Variants in SPTBN2 observed in about 807,000 individuals in gnomAD.
The protein encoded by SPTBN2 is spectrin beta chain, non-erythrocytic 2.
SPTBN2 carries 107 observed loss-of-function variants against 284.2 expected under a neutral mutation model. The ratio of observed to expected loss-of-function variants is 0.38; its 90% confidence interval spans 0.32 to 0.44. SPTBN2 has a LOEUF of 0.44. Among genes scored for constraint, SPTBN2 ranks in the 20% least tolerant of loss-of-function variants. The probability of loss-of-function intolerance (pLI) is 1.00; values close to 1 mark genes in which losing one functional copy is unlikely to be tolerated. For missense variants in SPTBN2, 2,569 were observed against 3,287.1 expected (o/e 0.78, Z 5.34); for synonymous variants, 1,289 against 1,354.8 (o/e 0.95, Z 1.07).
chr11:66,686,177 T>C (rs973853181), intron 37 of SPTBN2, 73 bp from the exon 38 acceptor site: 2 of 1,496,026 alleles, frequency 1.3e-6, no homozygotes, highest in East Asian at 2.3e-5. Flanking sequence ...AGCAGGGAAG[T>C]GTAAGAGGAG....
upstream of SPTBN2, among the ~76,000 whole-genome samples, chr11:66,730,356 G>C (rs1942787577): frequency 2.0e-5 from 3 of 152,096 alleles, no homozygotes; most frequent in Middle Eastern, 6.8e-3. Flanking sequence ...GGCCGAGGCA[G>C]GTGGATCGCG....
In SPTBN2 at chr11:66,683,063, ATTTTTTT is replaced by A; in HGVS notation, c.*2801_*2807del. Among the ~76,000 whole-genome samples the A allele has an allele frequency of 1.0e-5, 1 of 95,742 alleles. No homozygotes were observed. Among genetic ancestry groups the A allele is most frequent in the South Asian group, 3.6e-4 (1 of 2,776 alleles). 62.8% of individuals were successfully genotyped at this position (95,742 alleles called of 152,430 possible). On this transcript the variant is annotated 3_prime_UTR_variant, in exon 38 of 38. Transcript: ENST00000533211. Reference sequence around the variant, plus strand: ...ACCACCATGCCTGGCCAAGTAATCCATTTTTTTTTTTTTTTTTTTTTTGAGATGGAGT... The same window carrying A: ...ACCACCATGCCTGGCCAAGTAATCCATTTTTTTTTTTTTTTGAGATGGAGT...
rs1366560754 is a variant in SPTBN2 at position 66,684,941 on chromosome 11, G to C, written c.*930C>G. On this transcript the variant is annotated 3_prime_UTR_variant, in exon 38 of 38. Transcript: ENST00000533211. ...TGAAAACAGTTTAGAGATCACAAGT[G>C]AAGAAAATTGTGCACCAGGGAAGGA... is the stretch of plus-strand genomic sequence containing the variant. Among the ~76,000 whole-genome samples the C allele has an allele frequency of 6.6e-6, 1 of 152,202 alleles. No individual in the cohort carries two copies. The highest frequency in any genetic ancestry group is 2.4e-5 in the African/African-American group (1 of 41,452).
At position 66,705,098 on chromosome 11, in the gene SPTBN2, T is replaced by G. The variant is rs1431165807; in HGVS notation, c.2178A>C (p.Gln726His). 10 of 1,565,636 alleles carry G rather than the reference T, an allele frequency of 6.4e-6. No homozygotes were observed. Among genetic ancestry groups the G allele is most frequent in the African/African-American group, 1.4e-5 (1 of 73,818 alleles). The part of the protein sequence containing the change: ...SQASARAAEL[Q>H]AQWERLEALA... ...GGGCCTCTAGCCGCTCCCACTGGGC[T>G]TGGAGTTCAGCTGCACGGGCAGAGG... Residue 726 changes from glutamine to histidine, a missense_variant, in exon 15 of 38, where the codon CAA becomes CAC. Gln to His is a conservative substitution (Grantham distance 24, BLOSUM62 0). Around this residue, in one of 6 missense-constraint regions of SPTBN2, gnomAD observed 1,012 missense variants for 1,248.9 expected, o/e 0.81. Transcript: ENST00000533211.
rs1259666231 is a variant in SPTBN2 at position 66,691,177 on chromosome 11, G to A, written c.5565+107C>T. The A allele has an allele frequency of 3.2e-5, 45 of 1,408,980 alleles. No homozygotes were observed. The highest frequency in any genetic ancestry group is 2.5e-4 in the South Asian group (14 of 55,406). 87.3% of individuals were successfully genotyped at this position (1,408,980 alleles called of 1,614,324 possible). A position where few individuals can be genotyped will look rare whatever the true frequency, so the allele number is the denominator to read the frequency against. ...TCGAAATGGCCCTCGAAAGAGTGCC[G>A]TCCTCCCAGCATTTCTGAGCTCTAC... is the stretch of plus-strand genomic sequence containing the variant. On this transcript the variant is annotated intron_variant, in intron 27 of 37. Coordinates refer to ENST00000533211, the MANE Select transcript of SPTBN2 (RefSeq NM_006946.4). This position sits in a 1 kb window ranked among gnomAD's most constrained non-coding sequence, Gnocchi z 8.0.
Position 66,696,304 on chromosome 11 carries a change from G to A in SPTBN2, c.4251C>T (p.Ser1417=), listed in dbSNP as rs747876209. 1.4e-5 allele frequency: 23 copies of A among 1,612,726 alleles called. No individual in the cohort carries two copies. Among genetic ancestry groups the A allele is most frequent in the South Asian group, 5.5e-5 (5 of 91,090 alleles). The part of the protein sequence containing the change: ...HSDDYGKDLT[S]VNILLKKQQM... ...GCTGCTTCTTGAGCAGGATGTTGAC[G>A]CTGGTGAGGTCCTTGCCGTAGTCAT... The change falls in exon 21 of 38, where the codon AGC becomes AGT. Residue 1417 remains serine, a synonymous_variant. Coordinates refer to ENST00000533211, the MANE Select transcript of SPTBN2 (RefSeq NM_006946.4).
chr11:66,698,701 T>C lies in SPTBN2; in HGVS notation c.3952A>G (p.Lys1318Glu). ...EARNLHTKWQ[K>E]HQAFMAELAA... ...AGCTCGGCCATGAATGCCTGGTGCTTCTGCCACTTAGTATGCAGGTTGCGG... is the reference window on the plus strand; with the variant it reads ...AGCTCGGCCATGAATGCCTGGTGCTCCTGCCACTTAGTATGCAGGTTGCGG... The change falls in exon 20 of 38, where the codon AAG becomes GAG. Residue 1318 changes from lysine (K) to glutamate (E), a missense_variant. By Grantham distance (56) the Lys-to-Glu change is moderately conservative (BLOSUM62 1). This residue lies in a region of SPTBN2 where 24 missense variants were observed against 58.1 expected (regional missense o/e 0.41). Coordinates refer to ENST00000533211, the MANE Select transcript of SPTBN2 (RefSeq NM_006946.4). 4 of 1,614,254 alleles carry C rather than the reference T, an allele frequency of 2.5e-6. No individual in the cohort carries two copies. The highest frequency in any genetic ancestry group is 3.4e-6 in the Non-Finnish European group (4 of 1,180,046).
Position 66,701,171 on chromosome 11 carries a change from C to T in SPTBN2, c.2928G>A (p.Glu976=). The change falls in exon 17 of 38, where the codon GAG becomes GAA. Residue 976 remains glutamate (E), a synonymous_variant. Coordinates refer to ENST00000533211, the MANE Select transcript of SPTBN2 (RefSeq NM_006946.4). ...GGGTGGACTCGATGACTTTGGTCTTCTCTCTCATCCAGGCCTGGGTCTCCG... is the reference window on the plus strand; with the variant it reads ...GGGTGGACTCGATGACTTTGGTCTTTTCTCTCATCCAGGCCTGGGTCTCCG... The part of the protein sequence containing the change: ...ECTETQAWMR[E]KTKVIESTQG... 4.3e-6 allele frequency: 7 copies of T among 1,613,168 alleles called. No individual in the cohort carries two copies. Among genetic ancestry groups the T allele is most frequent in the Non-Finnish European group, 5.1e-6 (6 of 1,180,034 alleles).
chr11:66,704,716 G>A lies in SPTBN2; in HGVS notation c.2560C>T (p.Leu854Phe), dbSNP rs775507751. Residue 854 changes from leucine to phenylalanine, a missense_variant, in exon 15 of 38, where the codon CTC (leucine) becomes TTC (phenylalanine). By Grantham distance (22) the Leu-to-Phe change is conservative. Coordinates refer to ENST00000533211, the MANE Select transcript of SPTBN2 (RefSeq NM_006946.4). ...RARALEAALA[L>F]YTMLSEAGAC... Reference sequence around the variant, plus strand: ...CCGGCCTCGCTGAGCATGGTGTAGAGCGCCAGGGCTGCCTCCAAGGCCCGC... The same window carrying A: ...CCGGCCTCGCTGAGCATGGTGTAGAACGCCAGGGCTGCCTCCAAGGCCCGC... 1.2e-6 allele frequency: 2 copies of A among 1,603,354 alleles called. No individual in the cohort carries two copies. The highest frequency in any genetic ancestry group is 1.7e-6 in the Non-Finnish European group (2 of 1,175,878).
upstream of SPTBN2, among the ~76,000 whole-genome samples, chr11:66,729,954 A>C (rs1035422529): frequency 6.6e-6 from 1 of 151,926 alleles, no homozygotes; most frequent in Non-Finnish European, 1.5e-5. Flanking sequence ...GGTGCATGCC[A>C]CCATGCCCGA....
At chr11:66,732,406 T>C (rs1175586084), upstream of SPTBN2, among the ~76,000 whole-genome samples, 1 of 152,052 alleles carries the variant, frequency 6.6e-6, no homozygotes, top group African/African-American at 2.4e-5. Flanking sequence ...TCCCAGCACT[T>C]TGGGAGGCCA....
chr11:66,741,641 T>C (rs1280395176), intron 1 of SPTBN2, among the ~76,000 whole-genome samples: 1 of 152,164 alleles, frequency 6.6e-6, no homozygotes, highest in Non-Finnish European at 1.5e-5. Context: ...TCGAGAGCCA[T>C]ACTCAAAGCC....
rs1940067075 is a variant in SPTBN2, at chr11:66,685,817, C to A, written c.*54G>T. The A allele has an allele frequency of 2.6e-6, 4 of 1,563,018 alleles. No individual in the cohort carries two copies. Among genetic ancestry groups the A allele is most frequent in the Non-Finnish European group, 3.5e-6 (4 of 1,135,676 alleles). On this transcript the variant is annotated 3_prime_UTR_variant, in exon 38 of 38. Transcript: ENST00000533211. This position sits in a 1 kb window ranked among gnomAD's most constrained non-coding sequence, Gnocchi z 4.4. ...CAAGAGGGCGGTCCCTGTCGACTGT[C>A]CCTGGCAGTTTCCTGAACGGAGGGA...
intron 14 of SPTBN2, 99 bp downstream of exon 14, chr11:66,705,585 C>T (rs2135451741): frequency 1.2e-6 from 2 of 1,601,944 alleles, no homozygotes; most frequent in South Asian, 1.1e-5. Flanking sequence ...CGTTTGGCCA[C>T]CATCTTTCCC....
upstream of SPTBN2, among the ~76,000 whole-genome samples, chr11:66,731,090 A>G (rs1319340503): frequency 1.3e-5 from 2 of 152,258 alleles, no homozygotes; most frequent in Non-Finnish European, 2.9e-5. Context: ...AAATGGCACC[A>G]TAATGTGGGG....
intron 1 of SPTBN2, among the ~76,000 whole-genome samples, chr11:66,737,428 T>C (rs1428816365): frequency 6.6e-6 from 1 of 152,174 alleles, no homozygotes; most frequent in Non-Finnish European, 1.5e-5. Context: ...TGTGACAAGT[T>C]AACAATTACA....
upstream of SPTBN2, among the ~76,000 whole-genome samples, chr11:66,732,889 C>CTG (rs1942823255): frequency 1.3e-5 from 2 of 151,556 alleles, no homozygotes; most frequent in Non-Finnish European, 2.9e-5. Context: ...TCTCTTGAGC[C>CTG]CAGGAGACGG....
Position 66,704,628 on chromosome 11 carries a change from C to A in SPTBN2, c.2648G>T (p.Arg883Leu), listed in dbSNP as rs751179623. The change falls in exon 15 of 38, where the codon CGC (arginine) becomes CTC (leucine). Residue 883 changes from arginine to leucine, a missense_variant. Physicochemically the swap from Arg to Leu is moderately radical, Grantham distance 102. Coordinates refer to ENST00000533211, the MANE Select transcript of SPTBN2 (RefSeq NM_006946.4). Reference sequence around the variant, plus strand: ...CTGCACGACCTCCAGGTCCTCCAGGCGTTCAGGCAGGGCCAGCCCGTTGAG... The same window carrying A: ...CTGCACGACCTCCAGGTCCTCCAGGAGTTCAGGCAGGGCCAGCCCGTTGAG... ...QWLNGLALPE[R>L]LEDLEVVQQR... is the part of the protein sequence containing the mutation. The A allele has an allele frequency of 6.2e-7, 1 of 1,612,284 alleles. No homozygotes were observed.
In SPTBN2 at chr11:66,714,298, C is replaced by T. The variant is rs752258935; in HGVS notation, c.575+18G>A. On this transcript the variant is annotated intron_variant, in intron 6 of 37. Coordinates refer to ENST00000533211, the MANE Select transcript of SPTBN2 (RefSeq NM_006946.4). ...GGGTCACTGACCCTCCAGTGCCACACGCCCAGGGTGTCCTCACCCTGCAGT... is the reference window on the plus strand; with the variant it reads ...GGGTCACTGACCCTCCAGTGCCACATGCCCAGGGTGTCCTCACCCTGCAGT... 5.6e-5 allele frequency: 91 copies of T among 1,612,684 alleles called. No individual in the cohort carries two copies. Among genetic ancestry groups the T allele is most frequent in the Non-Finnish European group, 7.0e-5 (83 of 1,179,002 alleles).
Sources: gnomAD v4.1 joint callset for allele counts (sites outside exome capture counted in the v4.1 genomes callset) on GRCh38, gnomAD v4.1.1 for gene constraint, gnomAD v4.1.1 regional missense constraint, Gnocchi (gnomAD v3.1) non-coding constraint, MANE v1.5 for transcripts, NCBI Gene and HGNC (gene_info 2026-07-23, HGNC 2026-07-21) for gene names.